The following ELAPOR2 variants were observed in gnomAD, a reference collection of about 807,000 sequenced individuals.
ELAPOR2 encodes the protein endosome/lysosome-associated apoptosis and autophagy regulator family member 2.
Under a neutral mutation model 120.7 loss-of-function variants are expected in ELAPOR2, and 89 were observed. The observed-to-expected ratio is 0.74, with a 90% CI of 0.62 to 0.88. The LOEUF is 0.88. Ranked by LOEUF, ELAPOR2 falls within the 40% of genes least tolerant of loss-of-function variation. The probability of loss-of-function intolerance (pLI) is 0.00; values close to 1 mark genes in which losing one functional copy is unlikely to be tolerated. For synonymous variants in ELAPOR2, 444 were observed against 444.9 expected, an observed-to-expected ratio of 1.00 and a Z score of 0.03; for missense variants, 1,134 against 1,251.6, an observed-to-expected ratio of 0.91 and a Z score of 1.42.
At chr7:86,926,685 A>C in intron 9 of ELAPOR2, 51 bp downstream of exon 9, 5 of 1,513,518 alleles carry the variant, frequency 3.3e-6, no homozygotes, top group Non-Finnish European at 4.5e-6. Flanking sequence ...ACAGTAGTCC[A>C]ACAAGATCAT....
chr7:87,007,462 T>C (rs1400953626), intron 1 of ELAPOR2, among the ~76,000 whole-genome samples: 1 of 152,160 alleles, frequency 6.6e-6, no homozygotes, highest in Non-Finnish European at 1.5e-5. Flanking sequence ...TATGAACAGA[T>C]ATGGAATGAA....
In ELAPOR2 at chr7:86,974,597, G is replaced by GTGTGTGTA. The variant is rs758647429; in HGVS notation, c.190-9574_190-9573insTACACACA. Among the ~76,000 whole-genome samples, 319 of 151,158 alleles carry GTGTGTGTA rather than the reference G, an allele frequency of 2.1e-3. 1 individual carries two copies. Among genetic ancestry groups the GTGTGTGTA allele is most frequent in the Admixed American group, 3.4e-3 (51 of 15,144 alleles). On this transcript the variant is annotated intron_variant, in intron 1 of 21. Transcript: ENST00000450689. The stretch of plus-strand genomic sequence containing the variant: ...ACCCCTGTAGTGTGTGTGTGTGTGT[G>GTGTGTGTA]TGTGTGTGTGTGTGTGTGTGTGTTG...
At chr7:86,911,144 T>C (rs1789289980) in intron 15 of ELAPOR2, among the ~76,000 whole-genome samples, 1 of 152,130 alleles carries the variant, frequency 6.6e-6, no homozygotes, top group Admixed American at 6.6e-5. Flanking sequence ...AGAAGTATGG[T>C]AGACAATGGA....
intron 4 of ELAPOR2, 142 bp from the exon 5 acceptor site, chr7:86,942,246 C>T (rs1342050522): frequency 1.9e-6 from 1 of 525,508 alleles, no homozygotes; most frequent in Non-Finnish European, 3.5e-6. Flanking sequence ...GTAAACATAC[C>T]GAGACCTCTG....
chr7:86,985,696 T>C (rs571909524), intron 1 of ELAPOR2, among the ~76,000 whole-genome samples: 25 of 152,240 alleles, frequency 1.6e-4, no homozygotes, highest in African/African-American at 5.8e-4. Flanking sequence ...CTTTAAGTTT[T>C]AGGGTACATG....
rs78335929 is a variant in ELAPOR2 at position 86,887,673 on chromosome 7, C to A, written c.3030+4051G>T. 1.5e-3 allele frequency among the ~76,000 whole-genome samples: 223 copies of A among 152,240 alleles called. 5 individuals are homozygous for A. In the East Asian group the frequency reaches 0.04, roughly 27 times the overall value. On this transcript the variant is annotated intron_variant, in intron 21 of 21. Transcript: ENST00000450689. Reference sequence around the variant, plus strand: ...TTCAGCGGACCTTCTACATTTCCTACTGTCCAAAAGCATATGGTACTATTG... The same window carrying A: ...TTCAGCGGACCTTCTACATTTCCTAATGTCCAAAAGCATATGGTACTATTG...
chr7:86,888,171 A>G (rs1480164281), intron 21 of ELAPOR2, among the ~76,000 whole-genome samples: 4 of 152,016 alleles, frequency 2.6e-5, no homozygotes, highest in East Asian at 1.9e-4. Context: ...AAGTCCCCCT[A>G]TCATGGCCCA....
chr7:87,029,499 C>T (rs1345537657), intron 1 of ELAPOR2, among the ~76,000 whole-genome samples: 3 of 152,194 alleles, frequency 2.0e-5, no homozygotes, highest in Admixed American at 1.3e-4. Flanking sequence ...TGTGCTTTTT[C>T]GCAATTCTTT....
chr7:87,005,775 G>A lies in ELAPOR2; in HGVS notation c.190-40751C>T, dbSNP rs562532640. ...TACCTAGGTACAAAGTTTAATTCAAGGTGGGTCATAGGCTTCAGTGTTAAA... is the reference window on the plus strand; with the variant it reads ...TACCTAGGTACAAAGTTTAATTCAAAGTGGGTCATAGGCTTCAGTGTTAAA... On this transcript the variant is annotated intron_variant, in intron 1 of 21. Coordinates refer to ENST00000450689, the MANE Select transcript of ELAPOR2 (RefSeq NM_001142749.3). 1.9e-4 allele frequency among the ~76,000 whole-genome samples: 29 copies of A among 152,212 alleles called. No homozygotes were observed. In the South Asian group the frequency reaches 6.0e-3, roughly 32 times the overall value.
intron 1 of ELAPOR2, among the ~76,000 whole-genome samples, chr7:86,985,676 T>G (rs541487173): frequency 6.6e-6 from 1 of 152,034 alleles, no homozygotes; most frequent in African/African-American, 2.4e-5. Context: ...ACTAGGTATT[T>G]TTTTTAATAC....
At chr7:86,951,810 A>G in intron 2 of ELAPOR2, among the ~76,000 whole-genome samples, 1 of 152,210 alleles carries the variant, frequency 6.6e-6, no homozygotes. Flanking sequence ...CTGATTTAGT[A>G]TATGTTGTTA....
intron 1 of ELAPOR2, among the ~76,000 whole-genome samples, chr7:87,018,560 C>T (rs1272543646): frequency 6.6e-6 from 1 of 152,136 alleles, no homozygotes; most frequent in East Asian, 1.9e-4. Context: ...GGTTCAATTT[C>T]CTGTAGGTAA....
intron 8 of ELAPOR2, among the ~76,000 whole-genome samples, chr7:86,934,092 A>C (rs2116290663): frequency 1.3e-5 from 2 of 152,102 alleles, no homozygotes; most frequent in East Asian, 3.9e-4. Flanking sequence ...AATATTCTTT[A>C]ATTTATCTAT....
intron 19 of ELAPOR2, 26 bp from the exon 20 acceptor site, chr7:86,893,126 T>G: frequency 2.0e-6 from 3 of 1,483,220 alleles, no homozygotes; most frequent in African/African-American, 2.9e-5. Flanking sequence ...CATAAAACCA[T>G]AGAAGACATG....
chr7:86,933,165 ATTGAT>A lies in ELAPOR2; in HGVS notation c.1089+4956_1089+4960del, dbSNP rs554133577. Among the ~76,000 whole-genome samples the A allele has an allele frequency of 4.6e-3, 671 of 146,456 alleles. 6 individuals carry two copies. The highest frequency in any genetic ancestry group is 0.045 in the Middle Eastern group (13 of 288). The stretch of plus-strand genomic sequence containing the variant: ...ATACAATACTATACTCCAAGTTGAT[ATTGAT>A]TTATCAAATCAAACATTTTATGTAT... On this transcript the variant is annotated intron_variant, in intron 8 of 21. Transcript: ENST00000450689.
chr7:86,991,325 T>G (rs965617105), intron 1 of ELAPOR2, among the ~76,000 whole-genome samples: 2 of 152,100 alleles, frequency 1.3e-5, no homozygotes, highest in Non-Finnish European at 2.9e-5. Flanking sequence ...TGTTACTGAA[T>G]AGCTGGCCAG....
At chr7:87,049,435 C>CCATG (rs1795042067) in intron 1 of ELAPOR2, among the ~76,000 whole-genome samples, 1 of 152,134 alleles carries the variant, frequency 6.6e-6, no homozygotes, top group Non-Finnish European at 1.5e-5. Context: ...GCTCCCGCCA[C>CCATG]CATGCCTGGC....
intron 2 of ELAPOR2, among the ~76,000 whole-genome samples, chr7:86,951,634 C>T (rs940806227): frequency 6.6e-6 from 1 of 152,174 alleles, no homozygotes; most frequent in African/African-American, 2.4e-5. Flanking sequence ...TTGTTATTCG[C>T]AGTAGTTGTG....
intron 1 of ELAPOR2, among the ~76,000 whole-genome samples, chr7:86,986,064 A>C (rs1792719530): frequency 6.6e-6 from 1 of 151,898 alleles, no homozygotes; most frequent in Admixed American, 6.6e-5. Flanking sequence ...TGGCCAGGGC[A>C]ATCAGGCAAG....
Sources: allele counts gnomAD v4.1 joint callset (sites outside exome capture counted in the v4.1 genomes callset), GRCh38; gene constraint gnomAD v4.1.1; transcripts MANE v1.5; gene names NCBI Gene and HGNC (gene_info 2026-07-23, HGNC 2026-07-21).